The following KCNIP4 variants were observed in gnomAD, a reference collection of about 807,000 sequenced individuals.
The protein encoded by KCNIP4 is potassium voltage-gated channel interacting protein 4, also known as Kv channel-interacting protein 4.
A neutral mutation model predicts 34.0 loss-of-function variants in KCNIP4; 12 were observed. The ratio of observed to expected loss-of-function variants is 0.35; its 90% CI spans 0.23 to 0.57. The LOEUF (loss-of-function observed/expected upper bound fraction) is 0.57. Among genes scored for constraint, KCNIP4 ranks in the 20% least tolerant of loss-of-function variants. KCNIP4 has a pLI of 0.83. For synonymous variants in KCNIP4, 124 were observed against 102.2 expected, an observed-to-expected ratio of 1.21 and a Z score of -1.29; for missense variants, 238 against 311.7, an observed-to-expected ratio of 0.76 and a Z score of 1.78.
intron 1 of KCNIP4, among the ~76,000 whole-genome samples, chr4:21,386,861 C>G (rs74466727): frequency 1.2e-3 from 181 of 152,262 alleles, no homozygotes; most frequent in Non-Finnish European, 2.2e-3. Context: ...GCCTCAAAAT[C>G]TTCAAGGAAA....
rs558991995 is a variant in KCNIP4 at position 20,859,180 on chromosome 4, C to T, written c.164-8513G>A. ...AAGAAACACATGGTAGAATAAGGTA[C>T]GAAGTGATGGGATCTCAGAGCTGGA... On this transcript the variant is annotated intron_variant, in intron 2 of 8. Transcript: ENST00000382152. Among the ~76,000 whole-genome samples the T allele has an allele frequency of 7.9e-5, 12 of 152,094 alleles. No homozygotes were observed. In the South Asian group the frequency reaches 1.0e-3, roughly 13 times the overall value.
intron 3 of KCNIP4, among the ~76,000 whole-genome samples, chr4:20,823,550 TA>T (rs1717366496): frequency 6.6e-6 from 1 of 151,984 alleles, no homozygotes; most frequent in Non-Finnish European, 1.5e-5. Context: ...AGTGCAGTTA[TA>T]AAAAGACACA....
intron 1 of KCNIP4, among the ~76,000 whole-genome samples, chr4:21,435,436 T>C (rs1171893008): frequency 1.3e-5 from 2 of 152,338 alleles, no homozygotes; most frequent in Middle Eastern, 3.4e-3. Flanking sequence ...AATCCATGTT[T>C]TGAGCTGCTG....
intron 1 of KCNIP4, among the ~76,000 whole-genome samples, chr4:20,888,518 G>C (rs970409172): frequency 6.6e-6 from 1 of 152,116 alleles, no homozygotes. Flanking sequence ...GACAGAATGA[G>C]GAGGTGGGAC....
At chr4:21,832,722 C>T (rs1329320403) in intron 1 of KCNIP4, among the ~76,000 whole-genome samples, 1 of 138,740 alleles carries the variant, frequency 7.2e-6, no homozygotes, top group Admixed American at 7.2e-5. Context: ...GTATATCTCC[C>T]AATGCTATCC....
chr4:21,477,093 A>G (rs1242442375), intron 1 of KCNIP4, among the ~76,000 whole-genome samples: 1 of 152,196 alleles, frequency 6.6e-6, no homozygotes, highest in Non-Finnish European at 1.5e-5. Context: ...GTGTGTTGTT[A>G]AAAGCTCAGT....
chr4:21,046,340 C>T (rs1007493648), intron 1 of KCNIP4, among the ~76,000 whole-genome samples: 8 of 152,200 alleles, frequency 5.3e-5, no homozygotes, highest in Non-Finnish European at 1.2e-4. Context: ...ACTGGAATCA[C>T]TTGAGTCCTT....
intron 1 of KCNIP4, among the ~76,000 whole-genome samples, chr4:21,071,219 G>A (rs965612334): frequency 4.6e-5 from 7 of 152,088 alleles, no homozygotes; most frequent in African/African-American, 1.7e-4. Flanking sequence ...AAGTTTCATA[G>A]CATTACGTTT....
intron 1 of KCNIP4, among the ~76,000 whole-genome samples, chr4:21,806,023 C>A (rs1721270978): frequency 6.6e-6 from 1 of 152,156 alleles, no homozygotes; most frequent in African/African-American, 2.4e-5. Flanking sequence ...TCAATTGTAT[C>A]CTGGTTTTCT....
intron 1 of KCNIP4, among the ~76,000 whole-genome samples, chr4:21,421,776 A>G (rs1278632406): frequency 6.6e-6 from 1 of 152,216 alleles, no homozygotes; most frequent in Non-Finnish European, 1.5e-5. Context: ...AAAAAGATAA[A>G]TATGAGGTGA....
chr4:21,497,712 T>G (rs1365886142), intron 1 of KCNIP4, among the ~76,000 whole-genome samples: 2 of 152,202 alleles, frequency 1.3e-5, no homozygotes, highest in Admixed American at 6.5e-5. Flanking sequence ...CATATCCTTC[T>G]AAAATTTTAC....
At chr4:20,824,891 C>T (rs1002413339) in intron 3 of KCNIP4, among the ~76,000 whole-genome samples, 4 of 152,076 alleles carry the variant, frequency 2.6e-5, no homozygotes, top group African/African-American at 4.8e-5. Context: ...TGAAGAACTA[C>T]TAAAACACAA....
At chr4:20,940,163 C>T (rs1731494463) in intron 1 of KCNIP4, among the ~76,000 whole-genome samples, 1 of 152,136 alleles carries the variant, frequency 6.6e-6, no homozygotes, top group African/African-American at 2.4e-5. Context: ...GCAATCAGCT[C>T]TTCTTCATCT....
intron 1 of KCNIP4, among the ~76,000 whole-genome samples, chr4:21,560,010 G>T (rs929741947): frequency 4.0e-5 from 6 of 151,814 alleles, no homozygotes; most frequent in African/African-American, 1.5e-4. Context: ...ATTTTACTTT[G>T]ATTTTCCCCT....
In KCNIP4 at chr4:21,005,874, T is replaced by A. The variant is rs537010125; in HGVS notation, c.62-123165A>T. ...AGAGAGTATTACGCAATTATTTTTA[T>A]CCTAAAACATACTCTTTCCCCTGAC... On this transcript the variant is annotated intron_variant, in intron 1 of 8. Coordinates refer to ENST00000382152, the MANE Select transcript of KCNIP4 (RefSeq NM_025221.6). Among the ~76,000 whole-genome samples, 7 of 152,278 alleles carry A rather than the reference T, an allele frequency of 4.6e-5. 2 individuals carry two copies. The highest frequency in any genetic ancestry group is 1.7e-4 in the African/African-American group (7 of 41,544).
chr4:21,797,736 C>T (rs749871663), intron 1 of KCNIP4, among the ~76,000 whole-genome samples: 46 of 152,084 alleles, frequency 3.0e-4, no homozygotes, highest in Middle Eastern at 3.4e-3. Context: ...CAATATTATA[C>T]CAAAGAATTA....
At chr4:21,412,445 T>C (rs1468759237) in intron 1 of KCNIP4, among the ~76,000 whole-genome samples, 1 of 152,234 alleles carries the variant, frequency 6.6e-6, no homozygotes, top group Non-Finnish European at 1.5e-5. Context: ...TGGTGACACA[T>C]GGCTTGGCAG....
intron 1 of KCNIP4, among the ~76,000 whole-genome samples, chr4:21,889,196 C>A (rs895659459): frequency 5.3e-5 from 8 of 151,980 alleles, no homozygotes; most frequent in African/African-American, 1.9e-4. Flanking sequence ...TTTTGCTTTT[C>A]CATGGGTCAA....
intron 1 of KCNIP4, among the ~76,000 whole-genome samples, chr4:20,954,271 A>C (rs760948422): frequency 2.0e-4 from 31 of 152,286 alleles, no homozygotes; most frequent in Middle Eastern, 6.8e-3. Context: ...CGAAAGAAAC[A>C]TGTTATTTTC....
Sources: gnomAD v4.1 joint callset for allele counts (sites outside exome capture counted in the v4.1 genomes callset) on GRCh38, gnomAD v4.1.1 for gene constraint, MANE v1.5 for transcripts, NCBI Gene and HGNC (gene_info 2026-07-23, HGNC 2026-07-21) for gene names.